SPI1: variants seen among roughly 807,000 people sequenced by gnomAD.
The protein encoded by SPI1 is transcription factor PU.1.
In SPI1, 3 loss-of-function variants were observed where a neutral mutation model predicts 30.7. That is an observed-to-expected ratio of 0.10 (90% CI 0.04 to 0.25). SPI1 has a LOEUF of 0.25. Among genes scored for constraint, SPI1 ranks in the 10% least tolerant of loss-of-function variants. The pLI is 1.00. For synonymous variants in SPI1, 169 were observed against 157.1 expected, an observed-to-expected ratio of 1.08 and a Z score of -0.56; for missense variants, 261 against 371.5, an observed-to-expected ratio of 0.70 and a Z score of 2.45.
chr11:47,355,236 C>T lies in SPI1; in HGVS notation c.804G>A (p.Pro268=), dbSNP rs753577099. 1 of 1,409,006 alleles carries T rather than the reference C, an allele frequency of 7.1e-7. No homozygotes were observed. The highest frequency in any genetic ancestry group is 1.6e-5 in the South Asian group (1 of 63,624). The allele number at this position is 1,409,006 out of a possible 1,614,324, so 87.3% of individuals were successfully genotyped here. Residue 268 remains proline, a synonymous_variant, in exon 5 of 5, where the codon CCG becomes CCA. Transcript: ENST00000378538. ...GRGGLAERRH[P]PH is the part of the protein sequence containing the mutation. ...GGCGGGGGCTGCGGGCTCAGTGGGG[C>T]GGGTGGCGCCGCTCGGCCAGGCCCC... is the stretch of plus-strand genomic sequence containing the variant.
rs2095906589 is a variant in SPI1 at position 47,355,427 on chromosome 11, G to T, written c.613C>A (p.His205Asn). Residue 205 changes from histidine to asparagine, a missense_variant, in exon 5 of 5, where the codon CAC becomes AAC. His to Asn is a moderately conservative substitution (Grantham distance 68). Transcript: ENST00000378538. ...DKGTFQFSSKHKEALAHRWGI... is the reference protein window; with the variant it reads ...DKGTFQFSSKNKEALAHRWGI... ...CAGCGGTGCGCCAGCGCCTCCTTGT[G>T]CTTGGACGAGAACTGGAAGGTGCCC... 6.2e-7 allele frequency: 1 copy of T among 1,613,820 alleles called. No individual in the cohort carries two copies. The highest frequency in any genetic ancestry group is 1.1e-5 in the South Asian group (1 of 91,082).
rs1434340659 is a variant in SPI1 at position 47,359,903 on chromosome 11, G to T, written c.280C>A (p.His94Asn). The change falls in exon 3 of 5, where the codon CAC (histidine) becomes AAC (asparagine). Residue 94 changes from histidine (H) to asparagine (N), a missense_variant. His to Asn is a moderately conservative substitution (Grantham distance 68). This residue lies in a region of SPI1 where 106 missense variants were observed against 102.0 expected (regional missense o/e 1.04). Transcript: ENST00000378538. This position sits in a 1 kb window ranked among gnomAD's most constrained non-coding sequence, Gnocchi z 5.1. The part of the protein sequence containing the change: ...LYRHMELEQM[H>N]VLDTPMVPPH... ...GGCACCATGGGGGTATCGAGGACGT[G>T]CATCTGCTCCAGCTCCATGTGGCGG... The T allele has an allele frequency of 1.9e-6, 3 of 1,610,346 alleles. No individual in the cohort carries two copies. Among genetic ancestry groups the T allele is most frequent in the Non-Finnish European group, 2.5e-6 (3 of 1,179,886 alleles).
At position 47,359,790 on chromosome 11, in the gene SPI1, G is replaced by C. The variant is rs2142884329; in HGVS notation, c.330+63C>G. The C allele has an allele frequency of 3.2e-6, 5 of 1,554,134 alleles. No individual in the cohort carries two copies. Among genetic ancestry groups the C allele is most frequent in the Middle Eastern group, 1.9e-4 (1 of 5,162 alleles). Reference sequence around the variant, plus strand: ...AGAGCCTGTGTCAGCTTCCTGTGAAGCTCCCGGGCCCCACCACAGGCCTGG... The same window carrying C: ...AGAGCCTGTGTCAGCTTCCTGTGAACCTCCCGGGCCCCACCACAGGCCTGG... On this transcript the variant is annotated intron_variant, in intron 3 of 4. Coordinates refer to ENST00000378538, the MANE Select transcript of SPI1 (RefSeq NM_003120.3). The surrounding 1 kb of genome is among the most constrained non-coding windows in gnomAD (Gnocchi z 5.1).
In SPI1 at chr11:47,375,513, C is replaced by T. The variant is rs2095941066; in HGVS notation, c.142+120G>A. Reference sequence around the variant, plus strand: ...GCAGTTCACTGCCTTTGAGAGCAAACTTGATCTGATTCTCAGAATTCCAAA... The same window carrying T: ...GCAGTTCACTGCCTTTGAGAGCAAATTTGATCTGATTCTCAGAATTCCAAA... On this transcript the variant is annotated intron_variant, in intron 2 of 4. Transcript: ENST00000378538. This position sits in a 1 kb window ranked among gnomAD's most constrained non-coding sequence, Gnocchi z 4.2. 1 of 825,852 alleles carries T rather than the reference C, an allele frequency of 1.2e-6. No individual in the cohort carries two copies. Among genetic ancestry groups the T allele is most frequent in the East Asian group, 2.5e-5 (1 of 40,536 alleles). The allele number at this position is 825,852 out of a possible 1,614,324, so 51.2% of individuals were successfully genotyped here. A position where few individuals can be genotyped will look rare whatever the true frequency, so the allele number is the denominator to read the frequency against.
Position 47,355,387 on chromosome 11 carries a change from C to T in SPI1, c.653G>A (p.Gly218Asp). The T allele has an allele frequency of 6.2e-7, 1 of 1,613,896 alleles. No individual in the cohort carries two copies. The highest frequency in any genetic ancestry group is 1.1e-5 in the South Asian group (1 of 91,084). ...ALAHRWGIQK[G>D]NRKKMTYQKM... The stretch of plus-strand genomic sequence containing the variant: ...CTGGTAGGTCATCTTCTTGCGGTTG[C>T]CCTTCTGGATGCCCCAGCGGTGCGC... Residue 218 changes from glycine to aspartate, a missense_variant, in exon 5 of 5, where the codon GGC (glycine) becomes GAC (aspartate). Physicochemically the swap from Gly to Asp is moderately conservative, Grantham distance 94 (BLOSUM62 -1). Coordinates refer to ENST00000378538, the MANE Select transcript of SPI1 (RefSeq NM_003120.3).
At chr11:47,376,195 C>T (rs1382109688) in intron 1 of SPI1, among the ~76,000 whole-genome samples, 2 of 151,992 alleles carry the variant, frequency 1.3e-5, no homozygotes, top group East Asian at 3.9e-4. Flanking sequence ...CATACCCACT[C>T]AGAGGTCACC....
rs2095917142 is a variant in SPI1, at chr11:47,359,288, C to G, written c.331-282G>C. On this transcript the variant is annotated intron_variant, in intron 3 of 4. Coordinates refer to ENST00000378538, the MANE Select transcript of SPI1 (RefSeq NM_003120.3). The surrounding 1 kb of genome is among the most constrained non-coding windows in gnomAD (Gnocchi z 5.1). The stretch of plus-strand genomic sequence containing the variant: ...GGCACCGGGGAAGTGGTGCCTTGTT[C>G]TCCTCCCTGCAGCGGTGCTGTGTGG... Among the ~76,000 whole-genome samples, 1 of 152,172 alleles carries G rather than the reference C, an allele frequency of 6.6e-6. No homozygotes were observed. Among genetic ancestry groups the G allele is most frequent in the South Asian group, 2.1e-4 (1 of 4,832 alleles).
At position 47,375,707 on chromosome 11, in the gene SPI1, T is replaced by C. The variant is rs1238645940; in HGVS notation, c.68A>G (p.Tyr23Cys). 6.2e-7 allele frequency: 1 copy of C among 1,613,852 alleles called. No individual in the cohort carries two copies. The highest frequency in any genetic ancestry group is 8.5e-7 in the Non-Finnish European group (1 of 1,179,884). ...VPPPSEDLVP[Y>C]DTDLYQRQTH... ...TTGGCGTTGGTATAGATCCGTGTCA[T>C]AGGGCACCAGGTCTTCTGATGGCTG... Residue 23 changes from tyrosine to cysteine, a missense_variant, in exon 2 of 5, where the codon TAT (tyrosine) becomes TGT (cysteine). This residue lies in a region of SPI1 where 78 missense variants were observed against 93.2 expected (regional missense o/e 0.84). Transcript: ENST00000378538. This position sits in a 1 kb window ranked among gnomAD's most constrained non-coding sequence, Gnocchi z 4.2.
chr11:47,355,573 G>A, intron 4 of SPI1, 27 bp from the exon 5 acceptor site: 2 of 1,531,476 alleles, frequency 1.3e-6, no homozygotes, highest in Non-Finnish European at 1.8e-6. Context: ...CCGGTGGGAG[G>A]GGGCCCGGGG....
At chr11:47,368,558 C>T (rs888176129) in intron 2 of SPI1, among the ~76,000 whole-genome samples, 6 of 152,166 alleles carry the variant, frequency 3.9e-5, no homozygotes, top group African/African-American at 9.7e-5. Context: ...ACGTGGCGCG[C>T]GCATACAATG....
chr11:47,371,984 C>T (rs185336275), intron 2 of SPI1, among the ~76,000 whole-genome samples: 2 of 152,324 alleles, frequency 1.3e-5, no homozygotes, highest in African/African-American at 2.4e-5. Context: ...ATGTGAATTA[C>T]GAGTTCCTTC....
intron 2 of SPI1, 45 bp from the exon 3 acceptor site, chr11:47,360,085 C>A: frequency 3.5e-6 from 5 of 1,443,356 alleles, no homozygotes; most frequent in South Asian, 2.7e-5. Context: ...CAGGGTTGGG[C>A]AGGGCAGGAA....
At chr11:47,363,568 G>T (rs1318493058) in intron 2 of SPI1, among the ~76,000 whole-genome samples, 1 of 151,936 alleles carries the variant, frequency 6.6e-6, no homozygotes, top group African/African-American at 2.4e-5. Context: ...TCACTATGTT[G>T]CCTCCAACTC....
rs192872174 is a variant in SPI1, at chr11:47,368,278, T to A, written c.142+7355A>T. 2.5e-3 allele frequency among the ~76,000 whole-genome samples: 380 copies of A among 152,264 alleles called. 2 individuals are homozygous for A. Among genetic ancestry groups the A allele is most frequent in the African/African-American group, 8.4e-3 (350 of 41,568 alleles). On this transcript the variant is annotated intron_variant, in intron 2 of 4. Transcript: ENST00000378538. ...TACTCGGGATTCTGAGACAGAAGAA[T>A]CACTTGAACCTGGGAGGCGGAGGTT...
chr11:47,359,701 C>T lies in SPI1; in HGVS notation c.330+152G>A. On this transcript the variant is annotated intron_variant, in intron 3 of 4. Coordinates refer to ENST00000378538, the MANE Select transcript of SPI1 (RefSeq NM_003120.3). This position sits in a 1 kb window ranked among gnomAD's most constrained non-coding sequence, Gnocchi z 5.1. The stretch of plus-strand genomic sequence containing the variant: ...GGGGTCATGAGGTCACTTGGGGGGT[C>T]AGGCGGCAGCCGTTGGAGCTCCAGC... 1 of 765,912 alleles carries T rather than the reference C, an allele frequency of 1.3e-6. No individual in the cohort carries two copies. Among genetic ancestry groups the T allele is most frequent in the Non-Finnish European group, 2.1e-6 (1 of 476,412 alleles). 47.4% of individuals were successfully genotyped at this position (765,912 alleles called of 1,614,324 possible).
chr11:47,375,610 G>T lies in SPI1; in HGVS notation c.142+23C>A, dbSNP rs2095941180. 2 of 1,581,374 alleles carry T rather than the reference G, an allele frequency of 1.3e-6. No homozygotes were observed. Among genetic ancestry groups the T allele is most frequent in the African/African-American group, 1.3e-5 (1 of 74,214 alleles). On this transcript the variant is annotated intron_variant, in intron 2 of 4. Transcript: ENST00000378538. The surrounding 1 kb of genome is among the most constrained non-coding windows in gnomAD (Gnocchi z 4.2). ...AGCCCAGGCTGGGCTGGGGGATGGG[G>T]GCGTGGCAGGCCCCGTACTCACCGC...
chr11:47,355,856 C>T (rs2095907685), intron 4 of SPI1, among the ~76,000 whole-genome samples: 2 of 77,918 alleles, frequency 2.6e-5, no homozygotes, highest in African/African-American at 5.6e-5. Flanking sequence ...GCACCCACAC[C>T]TCCTTACACA....
intron 4 of SPI1, among the ~76,000 whole-genome samples, chr11:47,356,883 T>TAC (rs3842252): frequency 6.2e-5 from 9 of 145,822 alleles, no homozygotes; most frequent in Non-Finnish European, 9.0e-5. Flanking sequence ...ATTACTCAGC[T>TAC]ACACACACAC....
At chr11:47,363,648 C>T (rs905571748) in intron 2 of SPI1, among the ~76,000 whole-genome samples, 11 of 152,128 alleles carry the variant, frequency 7.2e-5, no homozygotes, top group Admixed American at 4.6e-4. Context: ...CCACCGAGCC[C>T]AGCTGAATCC....
Sources: gnomAD v4.1 joint callset for allele counts (sites outside exome capture counted in the v4.1 genomes callset) on GRCh38, gnomAD v4.1.1 for gene constraint, gnomAD v4.1.1 regional missense constraint, Gnocchi (gnomAD v3.1) non-coding constraint, MANE v1.5 for transcripts, NCBI Gene and HGNC (gene_info 2026-07-23, HGNC 2026-07-21) for gene names.